The following NOS1AP variants were observed in gnomAD, a reference collection of about 807,000 sequenced individuals.
NOS1AP encodes the protein carboxyl-terminal PDZ ligand of neuronal nitric oxide synthase protein.
Under a neutral mutation model 56.2 loss-of-function variants are expected in NOS1AP, and 21 were observed. The observed-to-expected ratio is 0.37, with a 90% CI of 0.26 to 0.54. The LOEUF is 0.54. NOS1AP is among the 20% of genes least tolerant of loss of function. The pLI is 0.84. For missense variants in NOS1AP, 522 were observed against 657.8 expected, an observed-to-expected ratio of 0.79 and a Z score of 2.26; for synonymous variants, 270 against 274.6, an observed-to-expected ratio of 0.98 and a Z score of 0.17.
rs192175740 is a variant in NOS1AP, at chr1:162,186,164, A to T, written c.177+31688A>T. ...CCATTTATTTAAGACCTTAAGAAACACTCAGTGAAGCAACATTCTGGTTGG... is the reference window on the plus strand; with the variant it reads ...CCATTTATTTAAGACCTTAAGAAACTCTCAGTGAAGCAACATTCTGGTTGG... On this transcript the variant is annotated intron_variant, in intron 2 of 9. Coordinates refer to ENST00000361897, the MANE Select transcript of NOS1AP (RefSeq NM_014697.3). 8.5e-5 allele frequency among the ~76,000 whole-genome samples: 13 copies of T among 152,308 alleles called. No homozygotes were observed. In the East Asian group the frequency reaches 2.5e-3, roughly 29 times the overall value.
chr1:162,335,326 G>C (rs1656905001), intron 5 of NOS1AP, among the ~76,000 whole-genome samples: 1 of 152,218 alleles, frequency 6.6e-6, no homozygotes, highest in South Asian at 2.1e-4. Flanking sequence ...GAGCCCTGTT[G>C]CTGCTGAGCT....
chr1:162,238,277 C>T (rs1006946259), intron 2 of NOS1AP, among the ~76,000 whole-genome samples: 2 of 151,994 alleles, frequency 1.3e-5, no homozygotes, highest in Non-Finnish European at 2.9e-5. Context: ...GTTCCAGTCC[C>T]CACTAACCCC....
chr1:162,211,958 A>G (rs1254615933), intron 2 of NOS1AP, among the ~76,000 whole-genome samples: 1 of 152,194 alleles, frequency 6.6e-6, no homozygotes. Context: ...AGACCCCAAA[A>G]GTTCAGATTG....
chr1:162,264,004 C>T (rs929888177), intron 2 of NOS1AP, among the ~76,000 whole-genome samples: 2 of 152,230 alleles, frequency 1.3e-5, no homozygotes, highest in African/African-American at 4.8e-5. Flanking sequence ...CTCTCCGTCT[C>T]CAGCCAACTG....
At chr1:162,281,050 C>T (rs1335338189) in intron 2 of NOS1AP, among the ~76,000 whole-genome samples, 1 of 152,210 alleles carries the variant, frequency 6.6e-6, no homozygotes, top group East Asian at 1.9e-4. Flanking sequence ...ATTCATCTCA[C>T]GACCATCCCC....
At chr1:162,357,297 G>A in intron 8 of NOS1AP, 161 bp downstream of exon 8, 1 of 1,282,232 alleles carries the variant, frequency 7.8e-7, no homozygotes, top group Non-Finnish European at 1.1e-6. Flanking sequence ...CAGCGGGAGG[G>A]GGATAGATGG....
At chr1:162,088,184 G>T (rs554628903) in intron 1 of NOS1AP, among the ~76,000 whole-genome samples, 10 of 152,234 alleles carry the variant, frequency 6.6e-5, no homozygotes, top group African/African-American at 2.4e-4. Flanking sequence ...TGTCCCAGAA[G>T]CCAGGGTCTT....
In NOS1AP at chr1:162,303,868, C is replaced by T. The variant is rs142530545; in HGVS notation, c.344+3162C>T. ...TGGATGTAAGACTTTTTGTCAAATACATGGTTTACAAACATTTTCTCCAAG... is the reference window on the plus strand; with the variant it reads ...TGGATGTAAGACTTTTTGTCAAATATATGGTTTACAAACATTTTCTCCAAG... On this transcript the variant is annotated intron_variant, in intron 4 of 9. Coordinates refer to ENST00000361897, the MANE Select transcript of NOS1AP (RefSeq NM_014697.3). Among the ~76,000 whole-genome samples the T allele has an allele frequency of 3.0e-3, 434 of 145,594 alleles. 1 individual carries two copies. The highest frequency in any genetic ancestry group is 0.01 in the African/African-American group (414 of 39,784).
intron 2 of NOS1AP, among the ~76,000 whole-genome samples, chr1:162,170,306 G>A (rs991203327): frequency 6.6e-6 from 1 of 152,124 alleles, no homozygotes; most frequent in Non-Finnish European, 1.5e-5. Flanking sequence ...CCTCACAAAA[G>A]CCCTTGGAGG....
intron 1 of NOS1AP, among the ~76,000 whole-genome samples, chr1:162,114,302 C>T (rs542289686): frequency 3.3e-5 from 5 of 152,066 alleles, no homozygotes; most frequent in African/African-American, 7.2e-5. Flanking sequence ...CTGTGGGAGC[C>T]GTTAGACAAG....
chr1:162,318,712 C>A (rs1257656747), intron 4 of NOS1AP, among the ~76,000 whole-genome samples: 1 of 152,050 alleles, frequency 6.6e-6, no homozygotes, highest in Non-Finnish European at 1.5e-5. Flanking sequence ...CTCTAAATCC[C>A]AGTCTATGCT....
intron 2 of NOS1AP, among the ~76,000 whole-genome samples, chr1:162,285,172 T>C (rs1274180727): frequency 6.6e-6 from 1 of 152,176 alleles, no homozygotes; most frequent in Non-Finnish European, 1.5e-5. Context: ...TCTTCAGCCT[T>C]TAACTTCCAC....
intron 2 of NOS1AP, among the ~76,000 whole-genome samples, chr1:162,285,113 T>G (rs1655048747): frequency 6.6e-6 from 1 of 152,170 alleles, no homozygotes; most frequent in Non-Finnish European, 1.5e-5. Flanking sequence ...AGAGTTGAGG[T>G]CCAACCTGTC....
intron 8 of NOS1AP, chr1:162,364,367 TCCC>T: frequency 1.0e-6 from 1 of 985,460 alleles, no homozygotes; most frequent in Non-Finnish European, 1.2e-6. Flanking sequence ...TCTGAAATGC[TCCC>T]TGGAGAACTC....
intron 2 of NOS1AP, among the ~76,000 whole-genome samples, chr1:162,248,109 C>T (rs1469937025): frequency 6.6e-6 from 1 of 151,952 alleles, no homozygotes; most frequent in African/African-American, 2.4e-5. Flanking sequence ...ACAACGAGAT[C>T]CCACCTCTAA....
chr1:162,143,558 G>A (rs573034265), intron 1 of NOS1AP, among the ~76,000 whole-genome samples: 2 of 152,090 alleles, frequency 1.3e-5, no homozygotes, highest in African/African-American at 2.4e-5. Context: ...GGGCTCAAGC[G>A]ATCCTCCCAC....
chr1:162,367,385 C>G lies in NOS1AP; in HGVS notation c.1439C>G (p.Ser480Cys). The part of the protein sequence containing the change: ...TDESEERDSW[S>C]QEELPRLLNV... ...GAGAGCGAGGAGCGCGACTCGTGGT[C>G]CCAGGAGGAGCTGCCGCGCCTGCTG... The change falls in exon 10 of 10, where the codon TCC becomes TGC. Residue 480 changes from serine (S) to cysteine (C), a missense_variant. Coordinates refer to ENST00000361897, the MANE Select transcript of NOS1AP (RefSeq NM_014697.3). This position sits in a 1 kb window ranked among gnomAD's most constrained non-coding sequence, Gnocchi z 6.5. 6.2e-7 allele frequency: 1 copy of G among 1,607,610 alleles called. No homozygotes were observed. Among genetic ancestry groups the G allele is most frequent in the Non-Finnish European group, 8.5e-7 (1 of 1,176,928 alleles).
intron 1 of NOS1AP, among the ~76,000 whole-genome samples, chr1:162,102,068 T>A (rs868768892): frequency 6.6e-6 from 1 of 152,174 alleles, no homozygotes. Context: ...CAATATGATA[T>A]TGGCTGTGGG....
At chr1:162,075,972 T>C (rs1476916390) in intron 1 of NOS1AP, among the ~76,000 whole-genome samples, 1 of 152,230 alleles carries the variant, frequency 6.6e-6, no homozygotes, top group Non-Finnish European at 1.5e-5. Flanking sequence ...CGTAGTTCCT[T>C]TGCCCACAAT....
Sources: allele counts gnomAD v4.1 joint callset (sites outside exome capture counted in the v4.1 genomes callset), GRCh38; gene constraint gnomAD v4.1.1; non-coding constraint Gnocchi (gnomAD v3.1); transcripts MANE v1.5; gene names NCBI Gene and HGNC (gene_info 2026-07-23, HGNC 2026-07-21).